Variants in CNTNAP5 observed in about 807,000 individuals in gnomAD.
CNTNAP5 encodes contactin associated protein family member 5.
A neutral mutation model predicts 150.2 loss-of-function variants in CNTNAP5; 72 were observed. That is an observed-to-expected ratio of 0.48 (90% CI 0.40 to 0.58). The LOEUF (loss-of-function observed/expected upper bound fraction) is 0.58, where lower values mean the gene tolerates loss of function less well. Among genes scored for constraint, CNTNAP5 ranks in the 20% least tolerant of loss-of-function variants. The pLI, the probability that CNTNAP5 is intolerant of heterozygous loss-of-function variation, is 0.00. For synonymous variants in CNTNAP5, 672 were observed against 619.8 expected, an observed-to-expected ratio of 1.08 and a Z score of -1.25; for missense variants, 1,636 against 1,626.2, an observed-to-expected ratio of 1.01 and a Z score of -0.10.
intron 19 of CNTNAP5, among the ~76,000 whole-genome samples, chr2:124,812,449 G>C (rs1452851185): frequency 4.6e-5 from 7 of 151,856 alleles, no homozygotes; most frequent in Non-Finnish European, 8.8e-5. Flanking sequence ...TGACAGGAAA[G>C]GGGCGGTTGG....
chr2:124,401,533 T>A (rs1048159924), intron 3 of CNTNAP5, among the ~76,000 whole-genome samples: 3 of 152,254 alleles, frequency 2.0e-5, no homozygotes, highest in Admixed American at 6.5e-5. Context: ...AGAAACTTCA[T>A]TCTAAATTAG....
At chr2:124,362,273 C>G (rs142049021) in intron 3 of CNTNAP5, among the ~76,000 whole-genome samples, 1 of 152,308 alleles carries the variant, frequency 6.6e-6, no homozygotes, top group East Asian at 1.9e-4. Context: ...CCGTCTTCTG[C>G]GTCGCTCACG....
At chr2:124,272,942 T>C (rs747990813) in intron 3 of CNTNAP5, among the ~76,000 whole-genome samples, 15 of 152,222 alleles carry the variant, frequency 9.9e-5, no homozygotes, top group Non-Finnish European at 1.9e-4. Context: ...CATGACCCTG[T>C]AGGTCATTTC....
intron 3 of CNTNAP5, among the ~76,000 whole-genome samples, chr2:124,315,221 A>AAAG (rs1227083328): frequency 6.6e-6 from 1 of 152,152 alleles, no homozygotes; most frequent in African/African-American, 2.4e-5. Context: ...AAGGCCTTCC[A>AAAG]AAGTGCTGAG....
At chr2:124,055,394 T>C (rs1681818216) in intron 1 of CNTNAP5, among the ~76,000 whole-genome samples, 1 of 152,196 alleles carries the variant, frequency 6.6e-6, no homozygotes, top group Admixed American at 6.5e-5. Context: ...TTACAGCATG[T>C]GGGGAATGCT....
At chr2:124,160,459 A>T (rs1387012290) in intron 1 of CNTNAP5, among the ~76,000 whole-genome samples, 1 of 152,090 alleles carries the variant, frequency 6.6e-6, no homozygotes, top group Non-Finnish European at 1.5e-5. Flanking sequence ...CTCCCCAACA[A>T]TAAGCTCTTT....
intron 10 of CNTNAP5, among the ~76,000 whole-genome samples, chr2:124,535,009 T>A (rs1372804320): frequency 6.6e-6 from 1 of 152,230 alleles, no homozygotes; most frequent in African/African-American, 2.4e-5. Flanking sequence ...GTTGTTCTGG[T>A]GATGGATATC....
rs745846922 is a variant in CNTNAP5 at position 124,914,079 on chromosome 2, C to T, written c.3728-13C>T. 1 of 1,598,400 alleles carries T rather than the reference C, an allele frequency of 6.3e-7. No homozygotes were observed. Among genetic ancestry groups the T allele is most frequent in the South Asian group, 1.1e-5 (1 of 90,084 alleles). On this transcript the variant is annotated splice_polypyrimidine_tract_variant and intron_variant, in intron 23 of 23. Coordinates refer to ENST00000682447, the MANE Select transcript of CNTNAP5 (RefSeq NM_001367498.1). Reference sequence around the variant, plus strand: ...ACGATTTCCTTCTCTCTTTCCTTCCCCTTTCTCTCCAGGGGTGATAGCAGT... The same window carrying T: ...ACGATTTCCTTCTCTCTTTCCTTCCTCTTTCTCTCCAGGGGTGATAGCAGT...
chr2:124,485,210 A>G (rs1465474420), intron 7 of CNTNAP5, among the ~76,000 whole-genome samples: 3 of 152,192 alleles, frequency 2.0e-5, no homozygotes, highest in Admixed American at 1.3e-4. Context: ...AGCATGTGCA[A>G]AAAATCAGGT....
At chr2:124,056,641 A>G (rs56382709) in intron 1 of CNTNAP5, among the ~76,000 whole-genome samples, 45,643 of 151,896 alleles carry the variant, frequency 0.3, 7,140 homozygotes, top group Admixed American at 0.37. Context: ...GCGAGACTCC[A>G]TCTCAAAAAC....
chr2:124,256,087 G>A (rs1687306929), intron 3 of CNTNAP5, among the ~76,000 whole-genome samples: 1 of 152,072 alleles, frequency 6.6e-6, no homozygotes, highest in Non-Finnish European at 1.5e-5. Context: ...AGATATATTG[G>A]CTGATGTATC....
intron 11 of CNTNAP5, among the ~76,000 whole-genome samples, chr2:124,606,954 T>C (rs1677237816): frequency 6.6e-6 from 1 of 151,808 alleles, no homozygotes; most frequent in African/African-American, 2.4e-5. Context: ...AGGCAACAAG[T>C]CATGAAACAA....
chr2:124,330,877 A>G (rs1689334559), intron 3 of CNTNAP5, among the ~76,000 whole-genome samples: 1 of 152,016 alleles, frequency 6.6e-6, no homozygotes, highest in African/African-American at 2.4e-5. Context: ...AACAAAACAT[A>G]AAAAGAATCA....
At chr2:124,185,513 CT>C (rs750401489) in intron 1 of CNTNAP5, among the ~76,000 whole-genome samples, 16 of 152,134 alleles carry the variant, frequency 1.1e-4, no homozygotes, top group Non-Finnish European at 1.9e-4. Flanking sequence ...TACCTTCATA[CT>C]TTTTAAAAAT....
At chr2:124,552,163 G>T (rs1400969069) in intron 10 of CNTNAP5, among the ~76,000 whole-genome samples, 1 of 152,126 alleles carries the variant, frequency 6.6e-6, no homozygotes, top group Non-Finnish European at 1.5e-5. Flanking sequence ...TTAATCCAAA[G>T]GAGCAAAGGC....
intron 3 of CNTNAP5, among the ~76,000 whole-genome samples, chr2:124,375,470 G>C (rs1004277815): frequency 6.6e-6 from 1 of 152,012 alleles, no homozygotes; most frequent in African/African-American, 2.4e-5. Context: ...CAAACTGAGG[G>C]GCATTCTATA....
intron 11 of CNTNAP5, among the ~76,000 whole-genome samples, chr2:124,581,969 G>A (rs1696424872): frequency 6.6e-6 from 1 of 152,196 alleles, no homozygotes; most frequent in South Asian, 2.1e-4. Context: ...CAAACACGGA[G>A]GCAGGGGCTT....
At chr2:124,553,962 G>A (rs373384553) in intron 10 of CNTNAP5, among the ~76,000 whole-genome samples, 12 of 152,210 alleles carry the variant, frequency 7.9e-5, no homozygotes, top group African/African-American at 9.6e-5. Flanking sequence ...GGCAGGTGCC[G>A]ATGGGAGTGT....
At chr2:124,600,029 A>G (rs1696947304) in intron 11 of CNTNAP5, among the ~76,000 whole-genome samples, 1 of 152,006 alleles carries the variant, frequency 6.6e-6, no homozygotes, top group Non-Finnish European at 1.5e-5. Context: ...TTCTCAATAA[A>G]CGTGTGTGGA....
Sources: gnomAD v4.1 joint callset for allele counts (sites outside exome capture counted in the v4.1 genomes callset) on GRCh38, gnomAD v4.1.1 for gene constraint, MANE v1.5 for transcripts, NCBI Gene and HGNC (gene_info 2026-07-23, HGNC 2026-07-21) for gene names.